The following RPP30 variants were observed in gnomAD, a reference collection of about 807,000 sequenced individuals.
The protein encoded by RPP30 is ribonuclease P protein subunit p30.
RPP30 carries 36 observed loss-of-function variants against 38.6 expected under a neutral mutation model. The ratio of observed to expected loss-of-function variants is 0.93; its 90% CI spans 0.71 to 1.23. The LOEUF is 1.23. RPP30 is among the 50% of genes most tolerant of loss of function. The pLI, the probability that RPP30 is intolerant of heterozygous loss-of-function variation, is 0.00. For missense variants in RPP30, 321 were observed against 321.7 expected, an observed-to-expected ratio of 1.00 and a Z score of 0.02; for synonymous variants, 126 against 112.7, an observed-to-expected ratio of 1.12 and a Z score of -0.75.
chr10:90,880,397 C>T (rs975772487), intron 5 of RPP30, among the ~76,000 whole-genome samples: 3 of 152,010 alleles, frequency 2.0e-5, no homozygotes, highest in Non-Finnish European at 1.5e-5. Context: ...TTTATGAGTG[C>T]CTACTCTTTT....
intron 6 of RPP30, among the ~76,000 whole-genome samples, chr10:90,889,898 C>T (rs1847053080): frequency 6.6e-6 from 1 of 152,212 alleles, no homozygotes; most frequent in African/African-American, 2.4e-5. Flanking sequence ...CTTGTCATCG[C>T]ATTTCTGTCA....
downstream of RPP30, among the ~76,000 whole-genome samples, chr10:90,907,497 C>T (rs1564571722): frequency 6.6e-6 from 1 of 152,164 alleles, no homozygotes; most frequent in South Asian, 2.1e-4. Flanking sequence ...AACTGGAAGA[C>T]CTTCTGGTTA....
rs1283564834 is a variant in RPP30 at position 90,872,060 on chromosome 10, C to T, written c.74C>T (p.Ala25Val). Residue 25 changes from alanine to valine, a missense_variant, in exon 1 of 11, where the codon GCC becomes GTC. Ala to Val is a moderately conservative substitution (Grantham distance 64, BLOSUM62 0). Transcript: ENST00000371703. ...LKALRGLVET[A>V]AHLGYSVVAI... ...GCTCTGCGCGGACTTGTGGAGACAG[C>T]CGCTCACCGTGAGTTGCCCCGGCTT... The T allele has an allele frequency of 6.2e-7, 1 of 1,613,978 alleles. No individual in the cohort carries two copies. Among genetic ancestry groups the T allele is most frequent in the Non-Finnish European group, 8.5e-7 (1 of 1,179,862 alleles).
chr10:90,900,975 G>T lies in RPP30; in HGVS notation c.*296G>T. 9.4e-7 allele frequency: 1 copy of T among 1,062,528 alleles called. No individual in the cohort carries two copies. The highest frequency in any genetic ancestry group is 1.1e-6 in the Non-Finnish European group (1 of 878,156). The allele number at this position is 1,062,528 out of a possible 1,614,324, so 65.8% of individuals were successfully genotyped here. A position where few individuals can be genotyped will look rare whatever the true frequency, so the allele number is the denominator to read the frequency against. ...AATATACTTGAATAAAATGTTTCAG[G>T]TATTTTTGTTTCATTTTGTTTTTGA... On this transcript the variant is annotated 3_prime_UTR_variant, in exon 11 of 11. Transcript: ENST00000371703.
intron 10 of RPP30, 99 bp from the exon 11 acceptor site, chr10:90,900,471 T>C: frequency 8.4e-7 from 1 of 1,185,960 alleles, no homozygotes; most frequent in Non-Finnish European, 1.2e-6. Flanking sequence ...TTATGGCTTA[T>C]CATTTGCTAT....
Position 90,879,069 on chromosome 10 carries a change from A to G in RPP30, c.277A>G (p.Thr93Ala), listed in dbSNP as rs950545727. The G allele has an allele frequency of 1.9e-6, 3 of 1,613,474 alleles. No individual in the cohort carries two copies. Among genetic ancestry groups the G allele is most frequent in the African/African-American group, 1.3e-5 (1 of 74,912 alleles). Residue 93 changes from threonine (T) to alanine (A), a missense_variant, in exon 5 of 11, where the codon ACT becomes GCT. Thr to Ala is a moderately conservative substitution (Grantham distance 58). Coordinates refer to ENST00000371703, the MANE Select transcript of RPP30 (RefSeq NM_006413.5). ...ATTCTTTTTGTATTCCTAGAGAGCA[A>G]CTTCTTCAAGGGCCCGGCTCTATGA... ...DPSHCNVLRA[T>A]SSRARLYDVV...
At chr10:90,883,397 G>A (rs1846958176) in intron 5 of RPP30, among the ~76,000 whole-genome samples, 1 of 152,058 alleles carries the variant, frequency 6.6e-6, no homozygotes, top group Non-Finnish European at 1.5e-5. Flanking sequence ...GCTCTATTGG[G>A]CATAATTTAA....
chr10:90,895,172 A>C, intron 7 of RPP30: 1 of 529,582 alleles, frequency 1.9e-6, no homozygotes, highest in Non-Finnish European at 3.3e-6. Context: ...AATGGTCCTC[A>C]CTGAGTTGAA....
chr10:90,878,353 T>G (rs1262894796), intron 4 of RPP30, among the ~76,000 whole-genome samples: 1 of 152,186 alleles, frequency 6.6e-6, no homozygotes, highest in African/African-American at 2.4e-5. Flanking sequence ...TTTTAGAAGA[T>G]GCCAACAAGC....
downstream of RPP30, chr10:90,906,204 G>GA (rs770019313): frequency 6.6e-6 from 1 of 152,196 alleles, no homozygotes; most frequent in Non-Finnish European, 1.5e-5. Context: ...CACCTTGGGG[G>GA]AACTAATAGA....
intron 4 of RPP30, among the ~76,000 whole-genome samples, 194 bp downstream of exon 4, chr10:90,876,292 T>C (rs1846851624): frequency 6.6e-6 from 1 of 152,204 alleles, no homozygotes; most frequent in South Asian, 2.1e-4. Context: ...GGCACATGTG[T>C]AGTGATACCA....
At chr10:90,907,125 C>T (rs1847262131), downstream of RPP30, among the ~76,000 whole-genome samples, 1 of 152,196 alleles carries the variant, frequency 6.6e-6, no homozygotes, top group Admixed American at 6.5e-5. Flanking sequence ...CTCGTGTACC[C>T]TCCCAGCTCT....
downstream of RPP30, chr10:90,905,924 A>G (rs1363836030): frequency 6.6e-6 from 1 of 152,206 alleles, no homozygotes; most frequent in African/African-American, 2.4e-5. Context: ...CCCAATAATA[A>G]CAGGATTAAA....
At chr10:90,900,510 C>T (rs1847187440) in intron 10 of RPP30, 60 bp from the exon 11 acceptor site, 5 of 1,522,286 alleles carry the variant, frequency 3.3e-6, no homozygotes, top group Non-Finnish European at 3.6e-6. Context: ...TATGTTAAAC[C>T]ACCTCATTTT....
chr10:90,901,712 T>C lies in RPP30; in HGVS notation c.*1033T>C, dbSNP rs1348588142. 2.0e-5 allele frequency: 20 copies of C among 983,680 alleles called. No individual in the cohort carries two copies. Among genetic ancestry groups the C allele is most frequent in the Non-Finnish European group, 2.4e-5 (20 of 828,458 alleles). 60.9% of individuals were successfully genotyped at this position (983,680 alleles called of 1,614,324 possible). ...TATGCAAATACATGCATTTATGCAA[T>C]ATTAATGTAAGGGCTCTAAAACAAT... On this transcript the variant is annotated 3_prime_UTR_variant, in exon 11 of 11. Transcript: ENST00000371703.
At chr10:90,885,676 G>T (rs1846991135) in intron 5 of RPP30, 136 bp from the exon 6 acceptor site, 1 of 639,556 alleles carries the variant, frequency 1.6e-6, no homozygotes, top group Admixed American at 3.2e-5. Context: ...TTTGTAAAAG[G>T]TCAGATGTAT....
Position 90,874,891 on chromosome 10 carries a change from C to G in RPP30, c.105C>G (p.Ile35Met). ...CAGTTGGCTATTCAGTTGTTGCTAT[C>G]AATCATATCGTTGACTTTAAGGAAA... ...AAHLGYSVVA[I>M]NHIVDFKEKK... The change falls in exon 2 of 11, where the codon ATC (isoleucine) becomes ATG (methionine). Residue 35 changes from isoleucine to methionine, a missense_variant. By Grantham distance (10) the Ile-to-Met change is conservative. Transcript: ENST00000371703. The G allele has an allele frequency of 1.3e-6, 2 of 1,596,210 alleles. No individual in the cohort carries two copies. Among genetic ancestry groups the G allele is most frequent in the Non-Finnish European group, 1.7e-6 (2 of 1,168,798 alleles).
intron 5 of RPP30, among the ~76,000 whole-genome samples, chr10:90,885,046 A>T (rs1348702922): frequency 1.3e-4 from 20 of 151,530 alleles, no homozygotes; most frequent in Admixed American, 1.2e-3. Context: ...TCCCAGCTTT[A>T]TTTTTCTTCC....
At position 90,901,300 on chromosome 10, in the gene RPP30, A is replaced by C; in HGVS notation, c.*621A>C. The C allele has an allele frequency of 1.0e-6, 1 of 985,082 alleles. No homozygotes were observed. Among genetic ancestry groups the C allele is most frequent in the Non-Finnish European group, 1.2e-6 (1 of 829,708 alleles). 61.0% of individuals were successfully genotyped at this position (985,082 alleles called of 1,614,324 possible). On this transcript the variant is annotated 3_prime_UTR_variant, in exon 11 of 11. Transcript: ENST00000371703. Reference sequence around the variant, plus strand: ...ATGCAGCCAGATGTTTGAATATTTTAAGAGCTTCTTTCGAAAGTTTCTTGT... The same window carrying C: ...ATGCAGCCAGATGTTTGAATATTTTCAGAGCTTCTTTCGAAAGTTTCTTGT...
Sources: allele counts gnomAD v4.1 joint callset (sites outside exome capture counted in the v4.1 genomes callset), GRCh38; gene constraint gnomAD v4.1.1; transcripts MANE v1.5; gene names NCBI Gene and HGNC (gene_info 2026-07-23, HGNC 2026-07-21).